GREB1L: variants seen among roughly 807,000 people sequenced by gnomAD.
GREB1L encodes GREB1 like retinoic acid receptor coactivator, also known as GREB1-like protein.
GREB1L carries 17 observed loss-of-function variants against 200.8 expected under a neutral mutation model. That is an observed-to-expected ratio of 0.08 (90% confidence interval 0.06 to 0.13). The LOEUF (loss-of-function observed/expected upper bound fraction) is 0.13. Among genes scored for constraint, GREB1L ranks in the 10% least tolerant of loss-of-function variants. GREB1L has a pLI of 1.00. For missense variants in GREB1L, 1,657 were observed against 2,367.7 expected (o/e 0.70, Z 6.23); for synonymous variants, 789 against 893.0 (o/e 0.88, Z 2.08).
Position 21,356,036 on chromosome 18 carries a change from G to T in GREB1L, c.-119-9991G>T, listed in dbSNP as rs188826494. Among the ~76,000 whole-genome samples the T allele has an allele frequency of 1.9e-3, 272 of 146,340 alleles. 6 individuals carry two copies. In the East Asian group the frequency reaches 0.043, roughly 23 times the overall value. ...GCGTCTCACTCTGTCGCCCAGGCTG[G>T]AGTGCAGTGGTGCAATCTCGGCTCA... is the stretch of plus-strand genomic sequence containing the variant. On this transcript the variant is annotated intron_variant, in intron 1 of 32. Transcript: ENST00000424526.
In GREB1L at chr18:21,485,770, G is replaced by A. The variant is rs2036104222; in HGVS notation, c.2690+17G>A. ...CTTGGAGAGGTAAATAGTAAATAAG[G>A]CCTTCTGCTCTTCTCTCTAGCTGTA... On this transcript the variant is annotated intron_variant, in intron 18 of 32. Transcript: ENST00000424526. The A allele has an allele frequency of 6.5e-7, 1 of 1,550,002 alleles. No homozygotes were observed.
In GREB1L at chr18:21,515,408, A is replaced by G. The variant is rs999592370; in HGVS notation, c.4902-9A>G. On this transcript the variant is annotated splice_polypyrimidine_tract_variant and intron_variant, in intron 28 of 32. Transcript: ENST00000424526. ...TTTATCAACATCTTATATAAACTAT[A>G]TTTCATAGCCAGCCCATGGAAGTAG... 4.6e-6 allele frequency: 7 copies of G among 1,526,862 alleles called. No individual in the cohort carries two copies. The Admixed American group carries it at 7.9e-5, about 17-fold the overall frequency. 94.6% of individuals were successfully genotyped at this position (1,526,862 alleles called of 1,614,324 possible).
chr18:21,404,396 T>G (rs1166852037), intron 7 of GREB1L, among the ~76,000 whole-genome samples: 2 of 152,182 alleles, frequency 1.3e-5, no homozygotes, highest in African/African-American at 4.8e-5. Flanking sequence ...TAGTGCACCA[T>G]CTGGGATACA....
intron 15 of GREB1L, among the ~76,000 whole-genome samples, chr18:21,459,396 C>T (rs1281731808): frequency 6.7e-6 from 1 of 149,122 alleles, no homozygotes; most frequent in African/African-American, 2.5e-5. Context: ...AGTGATTCTC[C>T]TGCCCCAGCC....
Position 21,521,653 on chromosome 18 carries a change from G to A in GREB1L, c.5608+830G>A, listed in dbSNP as rs146782567. Among the ~76,000 whole-genome samples the A allele has an allele frequency of 9.8e-3, 1,496 of 152,088 alleles. 14 individuals are homozygous for A. Among genetic ancestry groups the A allele is most frequent in the Non-Finnish European group, 0.014 (958 of 67,992 alleles). Reference sequence around the variant, plus strand: ...TCGCACTGGAGGCTGCTGCTTGCTGGCATATAGTGGGCAGAAGCCAAGACT... The same window carrying A: ...TCGCACTGGAGGCTGCTGCTTGCTGACATATAGTGGGCAGAAGCCAAGACT... On this transcript the variant is annotated intron_variant, in intron 32 of 32. Transcript: ENST00000424526.
intron 1 of GREB1L, among the ~76,000 whole-genome samples, chr18:21,283,020 A>G (rs1486080344): frequency 6.6e-6 from 1 of 152,244 alleles, no homozygotes; most frequent in East Asian, 1.9e-4. Context: ...GCCAAAAATG[A>G]TGTAATGCAT....
At chr18:21,432,705 C>CTTTTTTTTTTTTTT (rs11380208) in intron 7 of GREB1L, among the ~76,000 whole-genome samples, 42 of 94,344 alleles carry the variant, frequency 4.5e-4, no homozygotes, top group African/African-American at 5.0e-4. Context: ...TCTTTTTTTT[C>CTTTTTTTTTTTTTT]TTTTTTTTTT....
At chr18:21,294,808 T>C (rs2038501914) in intron 1 of GREB1L, among the ~76,000 whole-genome samples, 1 of 152,154 alleles carries the variant, frequency 6.6e-6, no homozygotes, top group Non-Finnish European at 1.5e-5. Context: ...CCTAGAAAGT[T>C]AAAGAAATTT....
At chr18:21,478,837 A>G (rs1017689311) in intron 17 of GREB1L, among the ~76,000 whole-genome samples, 4 of 152,188 alleles carry the variant, frequency 2.6e-5, no homozygotes, top group African/African-American at 9.6e-5. Flanking sequence ...TGCTCTGACA[A>G]AGAATGGATT....
chr18:21,397,733 T>G (rs936515127), intron 5 of GREB1L, among the ~76,000 whole-genome samples: 2 of 152,056 alleles, frequency 1.3e-5, no homozygotes, highest in African/African-American at 4.8e-5. Context: ...CTTTGTTTAG[T>G]GAAATTGAGC....
chr18:21,328,937 TCA>T (rs2039065240), intron 1 of GREB1L, among the ~76,000 whole-genome samples: 1 of 152,106 alleles, frequency 6.6e-6, no homozygotes. Context: ...AGAGACTGAG[TCA>T]CACACACCCT....
At chr18:21,460,177 TTTTG>T (rs2034980786) in intron 15 of GREB1L, among the ~76,000 whole-genome samples, 1 of 152,108 alleles carries the variant, frequency 6.6e-6, no homozygotes. Flanking sequence ...TTGTTTTCGT[TTTTG>T]TTTTTGTTTT....
chr18:21,251,881 G>A (rs2037710604), intron 1 of GREB1L, among the ~76,000 whole-genome samples: 1 of 148,120 alleles, frequency 6.8e-6, no homozygotes, highest in South Asian at 2.1e-4. Flanking sequence ...GGAGGCAGAG[G>A]TTGCAGTGAG....
chr18:21,305,941 T>C (rs1281241885), intron 1 of GREB1L, among the ~76,000 whole-genome samples: 2 of 152,260 alleles, frequency 1.3e-5, no homozygotes, highest in Admixed American at 1.3e-4. Flanking sequence ...TGTTCAAGTC[T>C]TTCCTAAGAT....
intron 21 of GREB1L, 77 bp from the exon 22 acceptor site, chr18:21,499,652 C>A: frequency 9.4e-7 from 1 of 1,069,178 alleles, no homozygotes; most frequent in Non-Finnish European, 1.4e-6. Flanking sequence ...CCACTGCTTT[C>A]CTGGCCTTTG....
Position 21,523,511 on chromosome 18 carries a change from T to G in GREB1L, c.*690T>G, listed in dbSNP as rs2037636978. On this transcript the variant is annotated 3_prime_UTR_variant, in exon 33 of 33. Transcript: ENST00000424526. ...TTGTGTGCATTTATGCATCTTCTCC[T>G]AGCCTAATTCCTTTGCTTTACCCAC... 1 of 152,248 alleles carries G rather than the reference T, an allele frequency of 6.6e-6. No homozygotes were observed. The highest frequency in any genetic ancestry group is 2.1e-4 in the South Asian group (1 of 4,824). 9.4% of individuals were successfully genotyped at this position (152,248 alleles called of 1,614,324 possible).
At chr18:21,465,573 TTAATC>T (rs770450386) in intron 15 of GREB1L, among the ~76,000 whole-genome samples, 2 of 152,178 alleles carry the variant, frequency 1.3e-5, no homozygotes, top group East Asian at 1.9e-4. Context: ...TAACAACTGA[TTAATC>T]TAATTGAAGA....
Position 21,497,596 on chromosome 18 carries a change from A to G in GREB1L, c.3391+898A>G, listed in dbSNP as rs183299472. 2.6e-5 allele frequency among the ~76,000 whole-genome samples: 4 copies of G among 151,784 alleles called. No homozygotes were observed. In the East Asian group the frequency reaches 7.8e-4, roughly 30 times the overall value. On this transcript the variant is annotated intron_variant, in intron 21 of 32. Coordinates refer to ENST00000424526, the MANE Select transcript of GREB1L (RefSeq NM_001142966.3). ...GAGGTGGAGGTTGCAGTGAGCCAAGATCGCACCACTGCACTCCATTCTGGG... is the reference window on the plus strand; with the variant it reads ...GAGGTGGAGGTTGCAGTGAGCCAAGGTCGCACCACTGCACTCCATTCTGGG...
intron 1 of GREB1L, among the ~76,000 whole-genome samples, chr18:21,282,935 C>G (rs1253870915): frequency 2.0e-5 from 3 of 152,180 alleles, no homozygotes; most frequent in Non-Finnish European, 4.4e-5. Flanking sequence ...ATGCATAGTA[C>G]TTCATAAGGT....
Sources: allele counts gnomAD v4.1 joint callset (sites outside exome capture counted in the v4.1 genomes callset), GRCh38; gene constraint gnomAD v4.1.1; transcripts MANE v1.5; gene names NCBI Gene and HGNC (gene_info 2026-07-23, HGNC 2026-07-21).